TCF7L2: variants seen among roughly 807,000 people sequenced by gnomAD.
TCF7L2 encodes the protein transcription factor 7-like 2.
Under a neutral mutation model 77.9 loss-of-function variants are expected in TCF7L2, and 23 were observed. That is an observed-to-expected ratio of 0.30 (90% CI 0.21 to 0.42). The LOEUF is 0.42. Among genes scored for constraint, TCF7L2 ranks in the 10% least tolerant of loss-of-function variants. TCF7L2 has a pLI of 1.00. For synonymous variants in TCF7L2, 413 were observed against 340.2 expected (o/e 1.21, Z -2.36); for missense variants, 654 against 793.1 (o/e 0.82, Z 2.11).
At position 113,165,838 on chromosome 10, in the gene TCF7L2, C is replaced by A. The variant is rs1242715082; in HGVS notation, c.1675C>A (p.Pro559Thr). ...CTGTCCCAACGGGGCCCTGGACCTG[C>A]CCCCAGCCGCTTTGCAGCCTGCCGC... is the stretch of plus-strand genomic sequence containing the variant. Residue 559 changes from proline (P) to threonine (T), a missense_variant, in exon 14 of 14, where the codon CCC (proline) becomes ACC (threonine). This residue lies in a region of TCF7L2 where 272 missense variants were observed against 215.4 expected (regional missense o/e 1.26). Transcript: ENST00000627217. 1.4e-5 allele frequency: 23 copies of A among 1,606,356 alleles called. No homozygotes were observed. Among genetic ancestry groups the A allele is most frequent in the Non-Finnish European group, 2.0e-5 (23 of 1,175,510 alleles).
At chr10:113,153,214 G>A (rs1171628772) in intron 11 of TCF7L2, among the ~76,000 whole-genome samples, 5 of 152,358 alleles carry the variant, frequency 3.3e-5, no homozygotes, top group South Asian at 4.1e-4. Context: ...CCATGAGCAC[G>A]CTGTCTTCCG....
chr10:113,136,450 G>C (rs1017505296), intron 5 of TCF7L2, among the ~76,000 whole-genome samples: 1 of 152,172 alleles, frequency 6.6e-6, no homozygotes, highest in African/African-American at 2.4e-5. Flanking sequence ...TTGTGGCTCG[G>C]AGAATCCGTT....
chr10:113,135,455 G>A (rs2067260553), intron 5 of TCF7L2, among the ~76,000 whole-genome samples: 1 of 152,224 alleles, frequency 6.6e-6, no homozygotes, highest in South Asian at 2.1e-4. Flanking sequence ...GCTTGGCTTT[G>A]CCAAAGAGCG....
intron 4 of TCF7L2, among the ~76,000 whole-genome samples, chr10:112,979,431 C>G (rs1028925694): frequency 2.6e-5 from 4 of 152,134 alleles, no homozygotes; most frequent in Non-Finnish European, 4.4e-5. Flanking sequence ...CTGGCGTTCT[C>G]CAAGTTTCAG....
intron 5 of TCF7L2, among the ~76,000 whole-genome samples, chr10:113,057,368 A>C (rs2055577060): frequency 6.6e-6 from 1 of 152,288 alleles, no homozygotes; most frequent in South Asian, 2.1e-4. Flanking sequence ...ATGGGGTTTC[A>C]TCATGTTGGC....
At chr10:112,953,040 A>G (rs1311085753) in intron 3 of TCF7L2, among the ~76,000 whole-genome samples, 2 of 152,144 alleles carry the variant, frequency 1.3e-5, no homozygotes, top group Admixed American at 6.5e-5. Flanking sequence ...CTAGATAGCA[A>G]TTTGAAATAA....
chr10:113,131,032 C>T (rs1166677999), intron 5 of TCF7L2, among the ~76,000 whole-genome samples: 1 of 152,266 alleles, frequency 6.6e-6, no homozygotes, highest in East Asian at 1.9e-4. Flanking sequence ...TCCCAAAGTG[C>T]TGGGATTACA....
At chr10:113,107,668 G>A (rs112947956) in intron 5 of TCF7L2, among the ~76,000 whole-genome samples, 1 of 150,470 alleles carries the variant, frequency 6.6e-6, no homozygotes, top group East Asian at 2.0e-4. Context: ...GCGTGAACCC[G>A]GGAGGCGGAG....
At chr10:113,117,369 C>T (rs928307879) in intron 5 of TCF7L2, among the ~76,000 whole-genome samples, 145 of 3,576 alleles carry the variant, frequency 0.041, 2 homozygotes, top group African/African-American at 0.11. Flanking sequence ...GGGATTTTCT[C>T]TCTCTCTCTC....
intron 5 of TCF7L2, chr10:113,126,097 G>GT (rs1161346260): frequency 1.4e-5 from 2 of 144,398 alleles, no homozygotes; most frequent in Non-Finnish European, 3.1e-5. Context: ...ACATCCACAA[G>GT]TTTCGGTAGG....
chr10:113,151,731 T>C lies in TCF7L2; in HGVS notation c.1008T>C (p.His336=), dbSNP rs2137151679. 1 of 1,596,720 alleles carries C rather than the reference T, an allele frequency of 6.3e-7. No individual in the cohort carries two copies. The highest frequency in any genetic ancestry group is 8.5e-7 in the Non-Finnish European group (1 of 1,175,032). Residue 336 remains histidine, a synonymous_variant, in exon 10 of 14, where the codon CAT becomes CAC. Coordinates refer to ENST00000627217, the MANE Select transcript of TCF7L2 (RefSeq NM_001146274.2). The surrounding 1 kb of genome is among the most constrained non-coding windows in gnomAD (Gnocchi z 5.2). ...CTGTTTTGTCTATCTCCAGAAAGCA[T>C]CAGGACTCCAAAAAGGAAGAAGAAA...
At chr10:113,143,519 G>A (rs1476815527) in intron 6 of TCF7L2, among the ~76,000 whole-genome samples, 3 of 152,216 alleles carry the variant, frequency 2.0e-5, no homozygotes, top group African/African-American at 4.8e-5. Context: ...CTCTTGTGCA[G>A]GTAAGGCATG....
intron 5 of TCF7L2, among the ~76,000 whole-genome samples, chr10:113,045,697 G>A (rs1362597016): frequency 6.6e-6 from 1 of 152,128 alleles, no homozygotes; most frequent in Non-Finnish European, 1.5e-5. Context: ...GGGGATATGG[G>A]GTGTGACCCT....
At position 112,961,658 on chromosome 10, in the gene TCF7L2, C is replaced by T. The variant is rs1444005238; in HGVS notation, c.382-2898C>T. Among the ~76,000 whole-genome samples the T allele has an allele frequency of 2.6e-5, 4 of 152,132 alleles. No homozygotes were observed. The East Asian group carries it at 7.7e-4, about 29-fold the overall frequency. On this transcript the variant is annotated intron_variant, in intron 3 of 13. Transcript: ENST00000627217. ...CAAAGGAGAAATAAAAATTTTAAGTCCTTGTTGCAGTAGCTGGAGGAAGTG... is the reference window on the plus strand; with the variant it reads ...CAAAGGAGAAATAAAAATTTTAAGTTCTTGTTGCAGTAGCTGGAGGAAGTG...
chr10:113,083,135 C>T (rs1285324606), intron 5 of TCF7L2, among the ~76,000 whole-genome samples: 1 of 151,936 alleles, frequency 6.6e-6, no homozygotes, highest in South Asian at 2.1e-4. Context: ...CATTCCAACT[C>T]GTGCCAACTT....
chr10:112,978,387 A>G (rs1185159499), intron 4 of TCF7L2, among the ~76,000 whole-genome samples: 1 of 152,272 alleles, frequency 6.6e-6, no homozygotes, highest in East Asian at 1.9e-4. Flanking sequence ...TCTGTACCTC[A>G]AACTCATTAG....
chr10:113,139,270 C>T (rs2067924497), intron 5 of TCF7L2, among the ~76,000 whole-genome samples: 2 of 152,322 alleles, frequency 1.3e-5, no homozygotes, highest in Non-Finnish European at 2.9e-5. Flanking sequence ...CTTTCCCTCC[C>T]TTCCTCTCCT....
At chr10:112,986,261 C>T (rs1409932620) in intron 4 of TCF7L2, among the ~76,000 whole-genome samples, 5 of 151,960 alleles carry the variant, frequency 3.3e-5, no homozygotes, top group South Asian at 2.1e-4. Context: ...AGATGTTTCT[C>T]GGGTTCTCTC....
chr10:113,097,887 G>C (rs2061214224), intron 5 of TCF7L2, among the ~76,000 whole-genome samples: 1 of 150,688 alleles, frequency 6.6e-6, no homozygotes, highest in African/African-American at 2.4e-5. Flanking sequence ...CCCTGTCTTT[G>C]CTAAAAACAG....
Sources: allele counts gnomAD v4.1 joint callset (sites outside exome capture counted in the v4.1 genomes callset), GRCh38; gene constraint gnomAD v4.1.1; regional missense constraint gnomAD v4.1.1; non-coding constraint Gnocchi (gnomAD v3.1); transcripts MANE v1.5; gene names NCBI Gene and HGNC (gene_info 2026-07-23, HGNC 2026-07-21).